TMEM117: variants seen among roughly 807,000 people sequenced by gnomAD.
The protein encoded by TMEM117 is transmembrane protein 117.
TMEM117 carries 27 observed loss-of-function variants against 52.4 expected under a neutral mutation model. That is an observed-to-expected ratio of 0.51 (90% CI 0.38 to 0.71). The LOEUF is 0.71. Ranked by LOEUF, TMEM117 falls within the 30% of genes least tolerant of loss-of-function variation. The pLI is 0.00. For synonymous variants in TMEM117, 215 were observed against 206.3 expected, an observed-to-expected ratio of 1.04 and a Z score of -0.36; for missense variants, 556 against 630.5, an observed-to-expected ratio of 0.88 and a Z score of 1.26.
rs539433807 is a variant in TMEM117 at position 44,299,004 on chromosome 12, G to A, written c.609-576G>A. On this transcript the variant is annotated intron_variant, in intron 5 of 7. Coordinates refer to ENST00000266534, the MANE Select transcript of TMEM117 (RefSeq NM_032256.3). ...GGTTTACTAAGAGCTACACACCAAT[G>A]TTTTCTTGGGACACTTACTGCACTA... Among the ~76,000 whole-genome samples the A allele has an allele frequency of 1.5e-3, 226 of 150,380 alleles. 2 individuals are homozygous for A. The highest frequency in any genetic ancestry group is 2.3e-3 in the Non-Finnish European group (155 of 67,962).
At chr12:44,374,774 G>A (rs1302076524) in intron 6 of TMEM117, among the ~76,000 whole-genome samples, 1 of 151,976 alleles carries the variant, frequency 6.6e-6, no homozygotes, top group East Asian at 1.9e-4. Flanking sequence ...AAAGCTAAAT[G>A]GGAGCATTCA....
At chr12:44,036,273 T>C (rs1274063074) in intron 3 of TMEM117, among the ~76,000 whole-genome samples, 2 of 152,190 alleles carry the variant, frequency 1.3e-5, no homozygotes, top group African/African-American at 2.4e-5. Flanking sequence ...TAAAGAATAA[T>C]AGTGAAAGGA....
intron 3 of TMEM117, among the ~76,000 whole-genome samples, chr12:44,124,776 T>A (rs1368201579): frequency 6.6e-6 from 1 of 152,200 alleles, no homozygotes; most frequent in Non-Finnish European, 1.5e-5. Flanking sequence ...GTGGATAAGT[T>A]TTTTATGTGC....
At chr12:44,178,968 C>T (rs1949152817) in intron 4 of TMEM117, among the ~76,000 whole-genome samples, 1 of 151,978 alleles carries the variant, frequency 6.6e-6, no homozygotes, top group Admixed American at 6.5e-5. Flanking sequence ...CCAAGGCGGG[C>T]GGATCACCTG....
intron 3 of TMEM117, among the ~76,000 whole-genome samples, chr12:43,960,425 T>G (rs552238999): frequency 1.3e-5 from 2 of 152,284 alleles, no homozygotes; most frequent in African/African-American, 4.8e-5. Flanking sequence ...GTTAATACTA[T>G]TGGTTTTGCA....
intron 3 of TMEM117, among the ~76,000 whole-genome samples, chr12:44,116,257 C>T (rs990896388): frequency 2.6e-5 from 4 of 152,274 alleles, no homozygotes; most frequent in Admixed American, 6.5e-5. Flanking sequence ...AATGTGTTCT[C>T]ATTTCTCTGA....
At chr12:44,268,064 T>A (rs1299863690) in intron 5 of TMEM117, among the ~76,000 whole-genome samples, 1 of 152,180 alleles carries the variant, frequency 6.6e-6, no homozygotes, top group Non-Finnish European at 1.5e-5. Flanking sequence ...TAATTTTTAA[T>A]GATTTTTATA....
rs539017736 is a variant in TMEM117 at position 44,124,387 on chromosome 12, G to A, written c.411-19138G>A. On this transcript the variant is annotated intron_variant, in intron 3 of 7. Transcript: ENST00000266534. The stretch of plus-strand genomic sequence containing the variant: ...ACTTCCTCTCTTTCTATTTGAATAC[G>A]CTTTATTTATTTCTCTTGCTTGACT... Among the ~76,000 whole-genome samples the A allele has an allele frequency of 1.4e-4, 21 of 152,180 alleles. No homozygotes were observed. In the East Asian group the frequency reaches 3.9e-3, roughly 28 times the overall value.
At chr12:44,148,467 AT>A (rs1948676691) in intron 4 of TMEM117, among the ~76,000 whole-genome samples, 1 of 152,162 alleles carries the variant, frequency 6.6e-6, no homozygotes, top group Non-Finnish European at 1.5e-5. Context: ...GAAAAAAGGT[AT>A]TTTTTAGAAA....
upstream of TMEM117, among the ~76,000 whole-genome samples, chr12:43,833,718 G>A (rs1034581611): frequency 2.6e-5 from 4 of 152,020 alleles, no homozygotes; most frequent in Non-Finnish European, 5.9e-5. Context: ...GAGCCCAGGA[G>A]TTTGAAGTTG....
At chr12:44,134,779 C>G (rs1948465251) in intron 3 of TMEM117, among the ~76,000 whole-genome samples, 1 of 151,912 alleles carries the variant, frequency 6.6e-6, no homozygotes, top group Non-Finnish European at 1.5e-5. Context: ...ACTCTACCCT[C>G]TTTCCTGGGT....
chr12:43,886,943 G>T (rs151314246), intron 2 of TMEM117, among the ~76,000 whole-genome samples: 5,872 of 152,144 alleles, frequency 0.039, 143 homozygotes, highest in Middle Eastern at 0.088. Flanking sequence ...TGCCTCCTGG[G>T]TTCAAGCAAT....
intron 6 of TMEM117, among the ~76,000 whole-genome samples, chr12:44,321,321 T>G (rs1951126582): frequency 6.6e-6 from 1 of 152,176 alleles, no homozygotes; most frequent in Non-Finnish European, 1.5e-5. Context: ...CTGGTAACTC[T>G]TTTAGTTGAA....
chr12:43,902,158 G>A (rs904740110), intron 2 of TMEM117, among the ~76,000 whole-genome samples: 8 of 152,220 alleles, frequency 5.3e-5, no homozygotes, highest in African/African-American at 1.9e-4. Flanking sequence ...GAACAGAAGT[G>A]ATCTAGGGAA....
chr12:44,056,419 T>G (rs914252012), intron 3 of TMEM117, among the ~76,000 whole-genome samples: 2 of 152,202 alleles, frequency 1.3e-5, no homozygotes, highest in Admixed American at 1.3e-4. Flanking sequence ...AAAAACTTTC[T>G]CATTTGTCAA....
At chr12:44,005,643 C>T (rs1334014242) in intron 3 of TMEM117, among the ~76,000 whole-genome samples, 2 of 152,164 alleles carry the variant, frequency 1.3e-5, no homozygotes, top group South Asian at 2.1e-4. Context: ...GCAAAATCTC[C>T]AGGCCTTCTT....
intron 6 of TMEM117, among the ~76,000 whole-genome samples, chr12:44,369,014 C>T (rs1226258942): frequency 1.3e-5 from 2 of 152,026 alleles, no homozygotes; most frequent in African/African-American, 4.8e-5. Context: ...TTATCAGCAA[C>T]TCTTCAGAGC....
rs1416580686 is a variant in TMEM117 at position 44,187,894 on chromosome 12, C to CT, written c.511-23395dup. Among the ~76,000 whole-genome samples the CT allele has an allele frequency of 2.6e-5, 4 of 152,194 alleles. 1 individual carries two copies. Among genetic ancestry groups the CT allele is most frequent in the African/African-American group, 9.6e-5 (4 of 41,544 alleles). Reference sequence around the variant, plus strand: ...CCATTGATCTATCTATTCACTACCTCTAAGGAAGAATGGATACAGCAGACT... The same window carrying CT: ...CCATTGATCTATCTATTCACTACCTCTTAAGGAAGAATGGATACAGCAGACT... On this transcript the variant is annotated intron_variant, in intron 4 of 7. Coordinates refer to ENST00000266534, the MANE Select transcript of TMEM117 (RefSeq NM_032256.3).
intron 4 of TMEM117, among the ~76,000 whole-genome samples, chr12:44,150,503 C>A (rs1353865490): frequency 6.6e-6 from 1 of 152,086 alleles, no homozygotes; most frequent in Admixed American, 6.5e-5. Context: ...GATTTAGTGG[C>A]ACCCACACTT....
Sources: gnomAD v4.1 joint callset for allele counts (sites outside exome capture counted in the v4.1 genomes callset) on GRCh38, gnomAD v4.1.1 for gene constraint, MANE v1.5 for transcripts, NCBI Gene and HGNC (gene_info 2026-07-23, HGNC 2026-07-21) for gene names.